Variants in LAMA3 observed in about 807,000 individuals in gnomAD.
The protein encoded by LAMA3 is laminin subunit alpha 3.
LAMA3 carries 281 observed loss-of-function variants against 402.0 expected under a neutral mutation model. That is an observed-to-expected ratio of 0.70 (90% confidence interval 0.63 to 0.77). LAMA3 has a LOEUF of 0.77. Among genes scored for constraint, LAMA3 ranks in the 30% least tolerant of loss-of-function variants. LAMA3 has a pLI of 0.00. For missense variants in LAMA3, 3,840 were observed against 4,215.5 expected, an observed-to-expected ratio of 0.91 and a Z score of 2.47; for synonymous variants, 1,431 against 1,558.4, an observed-to-expected ratio of 0.92 and a Z score of 1.93.
chr18:23,899,265 A>G (rs753234703), intron 46 of LAMA3, 23 bp from the exon 47 acceptor site: 1 of 1,610,884 alleles, frequency 6.2e-7, no homozygotes, highest in Non-Finnish European at 8.5e-7. Context: ...TCCCAGTCTA[A>G]TAGACCACTT....
intron 1 of LAMA3, among the ~76,000 whole-genome samples, chr18:23,692,704 T>C (rs1035794614): frequency 9.8e-5 from 15 of 152,320 alleles, no homozygotes; most frequent in Non-Finnish European, 2.2e-4. Flanking sequence ...TCTATATGCC[T>C]TATATATTTT....
At chr18:23,827,513 A>C (rs992822339) in intron 23 of LAMA3, 46 bp downstream of exon 23, 1 of 1,593,742 alleles carries the variant, frequency 6.3e-7, no homozygotes, top group African/African-American at 1.3e-5. Context: ...CTACCTCCCC[A>C]TCTGTATCTG....
chr18:23,912,164 C>T (rs750083044), intron 55 of LAMA3, among the ~76,000 whole-genome samples: 3 of 143,044 alleles, frequency 2.1e-5, no homozygotes, highest in Non-Finnish European at 4.5e-5. Context: ...GACAAAGTCT[C>T]ACTTTGCTCC....
chr18:23,938,394 TCA>T (rs1228070596), intron 67 of LAMA3, among the ~76,000 whole-genome samples: 4 of 152,176 alleles, frequency 2.6e-5, no homozygotes, highest in African/African-American at 7.2e-5. Flanking sequence ...CTGGGGAATC[TCA>T]GTTACTTCCA....
At position 23,751,084 on chromosome 18, in the gene LAMA3, G is replaced by A. The variant is rs991127113; in HGVS notation, c.851G>A (p.Arg284Gln). 16 of 1,613,872 alleles carry A rather than the reference G, an allele frequency of 9.9e-6. No homozygotes were observed. Among genetic ancestry groups the A allele is most frequent in the East Asian group, 4.5e-5 (2 of 44,896 alleles). Residue 284 changes from arginine to glutamine, a missense_variant, in exon 5 of 75, where the codon CGG becomes CAG. By Grantham distance (43) the Arg-to-Gln change is conservative (BLOSUM62 1). Around this residue, in one of 3 missense-constraint regions of LAMA3, gnomAD observed 2,109 missense variants for 2,376.0 expected, o/e 0.89. Coordinates refer to ENST00000313654, the MANE Select transcript of LAMA3 (RefSeq NM_198129.4). ...GCCCAGCGAGATCCAACTGTCACTCGGCGGGTGAGTAGTCAGAGCATTTGT... is the reference window on the plus strand; with the variant it reads ...GCCCAGCGAGATCCAACTGTCACTCAGCGGGTGAGTAGTCAGAGCATTTGT... Reference protein sequence around the residue: ...SKAQRDPTVTRRYYYSIKDIS... With the variant: ...SKAQRDPTVTQRYYYSIKDIS...
intron 12 of LAMA3, among the ~76,000 whole-genome samples, chr18:23,799,692 G>A (rs541476771): frequency 6.6e-6 from 1 of 152,096 alleles, no homozygotes; most frequent in Non-Finnish European, 1.5e-5. Flanking sequence ...TAGTAGCCAG[G>A]GTTCTCTAGA....
intron 38 of LAMA3, chr18:23,873,140 G>A: frequency 6.2e-7 from 1 of 1,614,218 alleles, no homozygotes; most frequent in Non-Finnish European, 8.5e-7. Context: ...GTTCACAGCA[G>A]CAAAGGGTGC....
intron 67 of LAMA3, among the ~76,000 whole-genome samples, chr18:23,936,229 C>G (rs1277717291): frequency 6.6e-6 from 1 of 150,458 alleles, no homozygotes; most frequent in Non-Finnish European, 1.5e-5. Flanking sequence ...TTTATTTTTT[C>G]TTTTTATATA....
At chr18:23,777,915 C>T (rs1318929477) in intron 11 of LAMA3, among the ~76,000 whole-genome samples, 2 of 152,222 alleles carry the variant, frequency 1.3e-5, no homozygotes, top group East Asian at 1.9e-4. Context: ...TTGAGTTCCC[C>T]GAAAACAGAC....
At chr18:23,836,790 G>A (rs192914724) in intron 24 of LAMA3, among the ~76,000 whole-genome samples, 191 bp from the exon 25 acceptor site, 56 of 152,276 alleles carry the variant, frequency 3.7e-4, no homozygotes, top group Non-Finnish European at 5.6e-4. Flanking sequence ...CACTGGCCAC[G>A]GCAGGAAGGT....
intron 66 of LAMA3, 138 bp downstream of exon 66, chr18:23,932,429 C>A (rs888363432): frequency 5.5e-5 from 54 of 973,080 alleles, no homozygotes; most frequent in Non-Finnish European, 4.7e-6. Flanking sequence ...TTCAAAATGC[C>A]ATCTTTGGCA....
At chr18:23,893,569 T>C (rs566676091) in intron 42 of LAMA3, among the ~76,000 whole-genome samples, 1 of 151,456 alleles carries the variant, frequency 6.6e-6, no homozygotes, top group South Asian at 2.1e-4. Flanking sequence ...GGTGAGAGAG[T>C]GAGACTCCCC....
At chr18:23,946,491 G>A (rs905339900) in intron 70 of LAMA3, 8 of 617,906 alleles carry the variant, frequency 1.3e-5, no homozygotes, top group Middle Eastern at 4.4e-4. Context: ...AGGTTGAGAC[G>A]CAGGCCCTGA....
chr18:23,696,364 G>T (rs1328810234), intron 1 of LAMA3, among the ~76,000 whole-genome samples: 1 of 152,084 alleles, frequency 6.6e-6, no homozygotes, highest in Non-Finnish European at 1.5e-5. Flanking sequence ...CACTAAATAA[G>T]CTTGTTATAA....
In LAMA3 at chr18:23,933,792, A is replaced by G. The variant is rs1176816390; in HGVS notation, c.8719A>G (p.Ser2907Gly). 6.2e-7 allele frequency: 1 copy of G among 1,614,156 alleles called. No homozygotes were observed. Residue 2907 changes from serine to glycine, a missense_variant, in exon 67 of 75, where the codon AGT (serine) becomes GGT (glycine). Coordinates refer to ENST00000313654, the MANE Select transcript of LAMA3 (RefSeq NM_198129.4). ...CTGCTCTTTTTCCAGGTTATCACTG[A>G]GTCCTGAAGTCCTAGATTTGACCAG... ...SNVFVQRLSLSPEVLDLTSNS... is the reference protein window; with the variant it reads ...SNVFVQRLSLGPEVLDLTSNS...
rs762434186 is a variant in LAMA3, at chr18:23,816,487, G to A, written c.2147G>A (p.Arg716Gln). The change falls in exon 18 of 75, where the codon CGG becomes CAG. Residue 716 changes from arginine to glutamine, a missense_variant and splice_region_variant. This residue lies in a region of LAMA3 where 2,109 missense variants were observed against 2,376.0 expected (regional missense o/e 0.89). Transcript: ENST00000313654. The stretch of plus-strand genomic sequence containing the variant: ...CATGTCGTGGGAAAGGTGTGCCAGC[G>A]GTGAGTCTTCGGGAGGCTTCTTCCC... ...REHVVGKVCQ[R>Q]PENNYYFPDL... is the part of the protein sequence containing the mutation. The A allele has an allele frequency of 8.7e-6, 14 of 1,613,110 alleles. No individual in the cohort carries two copies. The highest frequency in any genetic ancestry group is 3.3e-5 in the Admixed American group (2 of 59,992).
intron 23 of LAMA3, among the ~76,000 whole-genome samples, chr18:23,830,482 C>T (rs556678950): frequency 8.5e-5 from 13 of 152,252 alleles, no homozygotes; most frequent in East Asian, 5.8e-4. Context: ...GCCAGGTTTC[C>T]GATGAGATCT....
At chr18:23,708,629 TACTCTAC>T (rs1441800565) in intron 1 of LAMA3, among the ~76,000 whole-genome samples, 1 of 152,316 alleles carries the variant, frequency 6.6e-6, no homozygotes, top group African/African-American at 2.4e-5. Flanking sequence ...TGTTTGCTGC[TACTCTAC>T]AGAGATGCAA....
At chr18:23,698,806 G>C (rs1370920093) in intron 1 of LAMA3, among the ~76,000 whole-genome samples, 1 of 152,202 alleles carries the variant, frequency 6.6e-6, no homozygotes, top group Non-Finnish European at 1.5e-5. Flanking sequence ...TAAGGGGCTG[G>C]AAGTACAGTT....
Sources: gnomAD v4.1 joint callset for allele counts (sites outside exome capture counted in the v4.1 genomes callset) on GRCh38, gnomAD v4.1.1 for gene constraint, gnomAD v4.1.1 regional missense constraint, MANE v1.5 for transcripts, NCBI Gene and HGNC (gene_info 2026-07-23, HGNC 2026-07-21) for gene names.